Variants in ASCC3 observed in about 807,000 individuals in gnomAD.
ASCC3 encodes activating signal cointegrator 1 complex subunit 3, also known as ASC-1 complex subunit P200.
Under a neutral mutation model 256.3 loss-of-function variants are expected in ASCC3, and 158 were observed. The ratio of observed to expected loss-of-function variants is 0.62; its 90% confidence interval spans 0.54 to 0.70. The LOEUF is 0.70. Ranked by LOEUF, ASCC3 falls within the 30% of genes least tolerant of loss-of-function variation. The pLI is 0.00. For missense variants in ASCC3, 2,259 were observed against 2,626.0 expected, an observed-to-expected ratio of 0.86 and a Z score of 3.05; for synonymous variants, 948 against 883.4, an observed-to-expected ratio of 1.07 and a Z score of -1.30.
chr6:100,676,163 T>C (rs1438670950), intron 14 of ASCC3, among the ~76,000 whole-genome samples: 1 of 152,146 alleles, frequency 6.6e-6, no homozygotes, highest in African/African-American at 2.4e-5. Context: ...TATTGTTTAT[T>C]ATCCTTTTGC....
intron 10 of ASCC3, among the ~76,000 whole-genome samples, chr6:100,726,017 C>T (rs1350665781): frequency 6.7e-6 from 1 of 148,772 alleles, no homozygotes; most frequent in Non-Finnish European, 1.5e-5. Context: ...AGTAAGAACA[C>T]TATTTTTTAA....
At chr6:100,665,760 GA>G (rs201452992) in intron 14 of ASCC3, among the ~76,000 whole-genome samples, 2 of 148,012 alleles carry the variant, frequency 1.4e-5, no homozygotes, top group South Asian at 2.2e-4. Flanking sequence ...AAAAAAAGAA[GA>G]AAAAAAAATG....
intron 10 of ASCC3, among the ~76,000 whole-genome samples, chr6:100,756,057 A>T (rs554840421): frequency 1.3e-5 from 2 of 152,168 alleles, no homozygotes; most frequent in South Asian, 4.1e-4. Flanking sequence ...TTGTTGGAAT[A>T]CAATACAAAA....
chr6:100,726,485 T>C (rs936423884), intron 10 of ASCC3, among the ~76,000 whole-genome samples: 3 of 151,952 alleles, frequency 2.0e-5, no homozygotes, highest in African/African-American at 7.2e-5. Flanking sequence ...TCAGAAAGCA[T>C]CCCTAATTTG....
At chr6:100,837,095 C>G (rs1375752745) in intron 4 of ASCC3, among the ~76,000 whole-genome samples, 1 of 151,808 alleles carries the variant, frequency 6.6e-6, no homozygotes, top group African/African-American at 2.4e-5. Flanking sequence ...TGAAAACATA[C>G]AAAAGGCCAA....
At position 100,659,843 on chromosome 6, in the gene ASCC3, T is replaced by C. The variant is rs116452639; in HGVS notation, c.2703+1963A>G. Among the ~76,000 whole-genome samples the C allele has an allele frequency of 2.0e-5, 3 of 151,598 alleles. No individual in the cohort carries two copies. The South Asian group carries it at 6.2e-4, about 31-fold the overall frequency. ...TTAAGATATCACTTCATATTTAACT[T>C]TAGCATTTAAGTCTGTTCTTCAAAA... On this transcript the variant is annotated intron_variant, in intron 16 of 41. Transcript: ENST00000369162.
chr6:100,848,413 A>G lies in ASCC3; in HGVS notation c.536T>C (p.Phe179Ser). ...TTCACCATTTATTGGCAGTTCGTCA[A>G]AGTGGTCCAAATCATGCATGTCAAA... ...FSFDMHDLDH[F>S]DELPINGETQ... The change falls in exon 4 of 42, where the codon TTT (phenylalanine) becomes TCT (serine). Residue 179 changes from phenylalanine to serine, a missense_variant. Physicochemically the swap from Phe to Ser is radical, Grantham distance 155. This residue lies in a region of ASCC3 where 420 missense variants were observed against 419.3 expected (regional missense o/e 1.00). Transcript: ENST00000369162. The G allele has an allele frequency of 6.2e-7, 1 of 1,613,316 alleles. No individual in the cohort carries two copies. Among genetic ancestry groups the G allele is most frequent in the African/African-American group, 1.3e-5 (1 of 74,942 alleles).
chr6:100,787,355 T>C lies in ASCC3; in HGVS notation c.1395+11358A>G, dbSNP rs76927477. ...AATTTAACACAACAGTCGTAAAACA[T>C]ATCCTAAAAATTACAAATTAATCAT... On this transcript the variant is annotated intron_variant, in intron 8 of 41. Coordinates refer to ENST00000369162, the MANE Select transcript of ASCC3 (RefSeq NM_006828.4). Among the ~76,000 whole-genome samples the C allele has an allele frequency of 6.0e-3, 908 of 152,062 alleles. 8 individuals are homozygous for C. Among genetic ancestry groups the C allele is most frequent in the African/African-American group, 0.021 (877 of 41,494 alleles).
intron 24 of ASCC3, among the ~76,000 whole-genome samples, chr6:100,640,747 T>A (rs1775083657): frequency 6.6e-6 from 1 of 152,306 alleles, no homozygotes; most frequent in South Asian, 2.1e-4. Flanking sequence ...ACAAGCCTTT[T>A]AGTTCTGTTC....
intron 36 of ASCC3, among the ~76,000 whole-genome samples, chr6:100,541,039 A>G (rs999549830): frequency 2.4e-4 from 37 of 152,306 alleles, no homozygotes; most frequent in African/African-American, 8.7e-4. Flanking sequence ...AGTAGTCTCC[A>G]TGATATCAGT....
rs1358846954 is a variant in ASCC3 at position 100,608,462 on chromosome 6, CTTTATATATATATA to C, written c.4786-1388_4786-1375del. ...TTTATATATATTTTATATATATATACTTTATATATATATACTTTATATATATACTTTATATATAT... is the reference window on the plus strand; with the variant it reads ...TTTATATATATTTTATATATATATACCTTTATATATATACTTTATATATAT... On this transcript the variant is annotated intron_variant, in intron 30 of 41. Coordinates refer to ENST00000369162, the MANE Select transcript of ASCC3 (RefSeq NM_006828.4). Among the ~76,000 whole-genome samples, 127 of 14,214 alleles carry C rather than the reference CTTTATATATATATA, an allele frequency of 8.9e-3. 32 individuals carry two copies. Among genetic ancestry groups the C allele is most frequent in the Non-Finnish European group, 0.01 (88 of 8,460 alleles). The allele number at this position is 14,214 out of a possible 152,430, so 9.3% of individuals were successfully genotyped here. A position where few individuals can be genotyped will look rare whatever the true frequency, so the allele number is the denominator to read the frequency against.
At chr6:100,542,639 G>A (rs1173568384) in intron 36 of ASCC3, among the ~76,000 whole-genome samples, 2 of 151,576 alleles carry the variant, frequency 1.3e-5, no homozygotes, top group African/African-American at 2.4e-5. Flanking sequence ...CCGAGATGGC[G>A]CCACTGCACT....
At chr6:100,681,678 G>T (rs1040326278) in intron 13 of ASCC3, among the ~76,000 whole-genome samples, 3 of 122,850 alleles carry the variant, frequency 2.4e-5, no homozygotes, top group Middle Eastern at 6.8e-3. Context: ...AGTGAGCCGG[G>T]ATTACGCCAC....
At chr6:100,879,480 C>CA (rs1769173345) in intron 1 of ASCC3, among the ~76,000 whole-genome samples, 1 of 152,116 alleles carries the variant, frequency 6.6e-6, no homozygotes, top group South Asian at 2.1e-4. Flanking sequence ...CTAGCTAAGA[C>CA]AAAATTCTTA....
chr6:100,607,953 A>G (rs1397180532), intron 30 of ASCC3, among the ~76,000 whole-genome samples: 4 of 144,478 alleles, frequency 2.8e-5, no homozygotes, highest in African/African-American at 1.0e-4. Context: ...TTTTTTTTCT[A>G]ATTGGCTTGT....
intron 14 of ASCC3, among the ~76,000 whole-genome samples, chr6:100,676,792 G>T (rs1468525538): frequency 6.6e-6 from 1 of 151,942 alleles, no homozygotes; most frequent in Non-Finnish European, 1.5e-5. Context: ...ACAAAAGGAG[G>T]ATTTTCTTAA....
Position 100,540,254 on chromosome 6 carries a change from A to G in ASCC3, c.5684T>C (p.Leu1895Pro). 1 of 1,614,154 alleles carries G rather than the reference A, an allele frequency of 6.2e-7. No individual in the cohort carries two copies. The highest frequency in any genetic ancestry group is 1.3e-5 in the African/African-American group (1 of 75,046). ...CATGGCTCGGCTGAGATGTGCCTGTAGCAGGAGATGTGCTTTGGTGTGAGG... is the reference window on the plus strand; with the variant it reads ...CATGGCTCGGCTGAGATGTGCCTGTGGCAGGAGATGTGCTTTGGTGTGAGG... ...DSPHTKAHLLLQAHLSRAMLP... is the reference protein window; with the variant it reads ...DSPHTKAHLLPQAHLSRAMLP... The change falls in exon 37 of 42, where the codon CTA (leucine) becomes CCA (proline). Residue 1895 changes from leucine to proline, a missense_variant. Around this residue, in one of 2 missense-constraint regions of ASCC3, gnomAD observed 1,839 missense variants for 2,206.7 expected, o/e 0.83. Transcript: ENST00000369162.
intron 1 of ASCC3, among the ~76,000 whole-genome samples, chr6:100,871,802 T>C (rs1374867215): frequency 2.6e-5 from 4 of 152,112 alleles, no homozygotes; most frequent in South Asian, 2.1e-4. Flanking sequence ...CCTTTCTCAA[T>C]GGGGGTCTGT....
At position 100,646,897 on chromosome 6, in the gene ASCC3, T is replaced by C. The variant is rs1258214659; in HGVS notation, c.3479-128A>G. 1.4e-5 allele frequency: 14 copies of C among 966,204 alleles called. No individual in the cohort carries two copies. The East Asian group carries it at 3.4e-4, about 23-fold the overall frequency. 59.9% of individuals were successfully genotyped at this position (966,204 alleles called of 1,614,324 possible). A position where few individuals can be genotyped will look rare whatever the true frequency, so the allele number is the denominator to read the frequency against. On this transcript the variant is annotated intron_variant, in intron 21 of 41. Coordinates refer to ENST00000369162, the MANE Select transcript of ASCC3 (RefSeq NM_006828.4). ...TTTATGATTTGCTATGTAGAATAGC[T>C]GACATTCTTGACCTGGCATGTTTGA...
Sources: allele counts gnomAD v4.1 joint callset (sites outside exome capture counted in the v4.1 genomes callset), GRCh38; gene constraint gnomAD v4.1.1; regional missense constraint gnomAD v4.1.1; transcripts MANE v1.5; gene names NCBI Gene and HGNC (gene_info 2026-07-23, HGNC 2026-07-21).